The following ABCC4 variants were observed in gnomAD, a reference collection of about 807,000 sequenced individuals.
The protein encoded by ABCC4 is ATP-binding cassette sub-family C member 4.
A neutral mutation model predicts 168.5 loss-of-function variants in ABCC4; 102 were observed. That is an observed-to-expected ratio of 0.61 (90% CI 0.52 to 0.71). The LOEUF is 0.71. Ranked by LOEUF, ABCC4 falls within the 30% of genes least tolerant of loss-of-function variation. The probability of loss-of-function intolerance (pLI) is 0.00; values close to 1 mark genes in which losing one functional copy is unlikely to be tolerated. For synonymous variants in ABCC4, 617 were observed against 590.7 expected (o/e 1.04, Z -0.65); for missense variants, 1,402 against 1,605.8 (o/e 0.87, Z 2.17).
At chr13:95,039,151 T>C (rs746171280) in intron 29 of ABCC4, among the ~76,000 whole-genome samples, 14 of 152,182 alleles carry the variant, frequency 9.2e-5, no homozygotes, top group Non-Finnish European at 1.9e-4. Flanking sequence ...GGACCAGAAG[T>C]GTTTCAGATT....
chr13:95,034,631 C>A lies in ABCC4; in HGVS notation c.3844G>T (p.Ala1282Ser). 1 of 1,614,110 alleles carries A rather than the reference C, an allele frequency of 6.2e-7. No individual in the cohort carries two copies. Among genetic ancestry groups the A allele is most frequent in the South Asian group, 1.1e-5 (1 of 91,080 alleles). The change falls in exon 30 of 31, where the codon GCT becomes TCT. Residue 1282 changes from alanine (A) to serine (S), a missense_variant. By Grantham distance (99) the Ala-to-Ser change is moderately conservative. Transcript: ENST00000645237. ...TGTTTTGCTGTTTCAGTGAGGGCAGCGGCTTCTGCCTTGCCCAGTTGTTGC... is the reference window on the plus strand; with the variant it reads ...TGTTTTGCTGTTTCAGTGAGGGCAGAGGCTTCTGCCTTGCCCAGTTGTTGC... Reference protein sequence around the residue: ...MVQQLGKAEAAALTETAKQVY... With the variant: ...MVQQLGKAEASALTETAKQVY...
chr13:95,146,499 T>G (rs2036499065), intron 19 of ABCC4, among the ~76,000 whole-genome samples: 1 of 152,194 alleles, frequency 6.6e-6, no homozygotes, highest in Non-Finnish European at 1.5e-5. Context: ...AGCACACTCC[T>G]GGCCTACCAA....
chr13:95,284,029 G>A (rs369416231), intron 1 of ABCC4, among the ~76,000 whole-genome samples: 3 of 151,592 alleles, frequency 2.0e-5, no homozygotes, highest in African/African-American at 4.8e-5. Context: ...GAGAAACCCC[G>A]TCTCTACTAA....
At chr13:95,176,911 T>C (rs918782601) in intron 13 of ABCC4, among the ~76,000 whole-genome samples, 3 of 152,200 alleles carry the variant, frequency 2.0e-5, no homozygotes, top group Non-Finnish European at 4.4e-5. Flanking sequence ...TCGGCACACA[T>C]GAGTTTATAG....
chr13:95,242,518 G>T (rs573279804), intron 3 of ABCC4, among the ~76,000 whole-genome samples: 1 of 151,606 alleles, frequency 6.6e-6, no homozygotes, highest in Non-Finnish European at 1.5e-5. Context: ...GAGCCACTGC[G>T]CCTGGCCTAA....
At chr13:95,242,827 C>T (rs558178306) in intron 3 of ABCC4, among the ~76,000 whole-genome samples, 1 of 151,896 alleles carries the variant, frequency 6.6e-6, no homozygotes, top group African/African-American at 2.4e-5. Flanking sequence ...GCTGGGAAAA[C>T]AATAGTATTT....
In ABCC4 at chr13:95,232,513, C is replaced by G. The variant is rs575810468; in HGVS notation, c.531+2097G>C. 3.9e-5 allele frequency among the ~76,000 whole-genome samples: 6 copies of G among 152,088 alleles called. No homozygotes were observed. The South Asian group carries it at 1.0e-3, about 26-fold the overall frequency. On this transcript the variant is annotated intron_variant, in intron 4 of 30. Transcript: ENST00000645237. The stretch of plus-strand genomic sequence containing the variant: ...CCAACATGGTGACACCACGTCTCTA[C>G]TAAAAATACAAAAATTAGCTGGGTG...
chr13:95,260,781 TTAAG>T (rs2040512108), intron 1 of ABCC4, among the ~76,000 whole-genome samples: 1 of 152,118 alleles, frequency 6.6e-6, no homozygotes, highest in Non-Finnish European at 1.5e-5. Context: ...GTGAATGTTT[TTAAG>T]CTACTTTGTA....
At chr13:95,058,556 A>G (rs1189856214) in intron 26 of ABCC4, among the ~76,000 whole-genome samples, 1 of 119,656 alleles carries the variant, frequency 8.4e-6, no homozygotes, top group Non-Finnish European at 1.7e-5. Flanking sequence ...CAACAGAGCA[A>G]GACTCCATCT....
chr13:95,154,982 C>G (rs1233738080), intron 19 of ABCC4, among the ~76,000 whole-genome samples: 1 of 152,106 alleles, frequency 6.6e-6, no homozygotes, highest in African/African-American at 2.4e-5. Context: ...ATATGGACAT[C>G]AGATTTTATA....
At chr13:95,267,420 A>G (rs2040714757) in intron 1 of ABCC4, among the ~76,000 whole-genome samples, 1 of 152,210 alleles carries the variant, frequency 6.6e-6, no homozygotes, top group South Asian at 2.1e-4. Context: ...CCCCAGCCAC[A>G]TGGAACTGTC....
Position 95,178,122 on chromosome 13 carries a change from A to T in ABCC4, c.1546-31T>A, listed in dbSNP as rs746767766. 1.9e-6 allele frequency: 3 copies of T among 1,582,458 alleles called. No individual in the cohort carries two copies. The African/African-American group carries it at 4.0e-5, about 21-fold the overall frequency. ...TGGACAAAGGAAAGAAGGGGGGAAA[A>T]AGAGACTTAAAACATGTTCTTCCTC... On this transcript the variant is annotated intron_variant, in intron 11 of 30. Coordinates refer to ENST00000645237, the MANE Select transcript of ABCC4 (RefSeq NM_005845.5).
At chr13:95,194,142 G>C (rs1203294799) in intron 9 of ABCC4, among the ~76,000 whole-genome samples, 1 of 152,226 alleles carries the variant, frequency 6.6e-6, no homozygotes, top group African/African-American at 2.4e-5. Flanking sequence ...AGTACTTCTT[G>C]TGGGTGGCCC....
chr13:95,021,782 A>C, intron 30 of ABCC4, 100 bp from the exon 31 acceptor site: 1 of 784,138 alleles, frequency 1.3e-6, no homozygotes, highest in Non-Finnish European at 2.1e-6. Context: ...ATGTGAAGCA[A>C]ATCATATCCC....
chr13:95,089,957 C>T (rs1013947126), intron 20 of ABCC4, among the ~76,000 whole-genome samples: 2 of 151,790 alleles, frequency 1.3e-5, no homozygotes, highest in African/African-American at 2.4e-5. Flanking sequence ...AGCTCTGACT[C>T]GGACTAACAG....
chr13:95,082,450 T>C lies in ABCC4; in HGVS notation c.2686+690A>G, dbSNP rs115803799. Among the ~76,000 whole-genome samples, 1,154 of 152,338 alleles carry C rather than the reference T, an allele frequency of 7.6e-3. 21 individuals carry two copies. The highest frequency in any genetic ancestry group is 0.026 in the African/African-American group (1,091 of 41,578). On this transcript the variant is annotated intron_variant, in intron 21 of 30. Coordinates refer to ENST00000645237, the MANE Select transcript of ABCC4 (RefSeq NM_005845.5). ...AGACTATATGTTTTCTAAACTGATA[T>C]ATCTCCTTGTGATCTAAGGGGATTA...
intron 1 of ABCC4, among the ~76,000 whole-genome samples, chr13:95,299,129 C>T (rs2041610777): frequency 6.6e-6 from 1 of 151,810 alleles, no homozygotes; most frequent in African/African-American, 2.4e-5. Context: ...CATGGTGACA[C>T]ACACCTGGAG....
intron 1 of ABCC4, among the ~76,000 whole-genome samples, chr13:95,286,873 C>T (rs528185291): frequency 6.7e-6 from 1 of 148,568 alleles, no homozygotes; most frequent in South Asian, 2.1e-4. Flanking sequence ...AGGAGAATTG[C>T]TTGAACCCCG....
chr13:95,096,490 C>T (rs2034602180), intron 20 of ABCC4, among the ~76,000 whole-genome samples: 1 of 151,970 alleles, frequency 6.6e-6, no homozygotes, highest in Non-Finnish European at 1.5e-5. Flanking sequence ...GCTCATTAAT[C>T]CCAAGAAGGA....
Sources: allele counts gnomAD v4.1 joint callset (sites outside exome capture counted in the v4.1 genomes callset), GRCh38; gene constraint gnomAD v4.1.1; transcripts MANE v1.5; gene names NCBI Gene and HGNC (gene_info 2026-07-23, HGNC 2026-07-21).